COL11A1: variants seen among roughly 807,000 people sequenced by gnomAD.
COL11A1 encodes the protein collagen type XI alpha 1 chain.
A neutral mutation model predicts 265.2 loss-of-function variants in COL11A1; 74 were observed. The observed-to-expected ratio is 0.28, with a 90% CI of 0.23 to 0.34. The LOEUF (loss-of-function observed/expected upper bound fraction) is 0.34, where lower values mean the gene tolerates loss of function less well. Ranked by LOEUF, COL11A1 falls within the 10% of genes least tolerant of loss-of-function variation. The probability of loss-of-function intolerance (pLI) is 1.00; values close to 1 mark genes in which losing one functional copy is unlikely to be tolerated. For synonymous variants in COL11A1, 816 were observed against 727.6 expected (o/e 1.12, Z -1.96); for missense variants, 2,165 against 2,263.6 (o/e 0.96, Z 0.88).
At chr1:103,071,467 C>CTTTTT (rs869263393) in intron 4 of COL11A1, among the ~76,000 whole-genome samples, 4 of 49,890 alleles carry the variant, frequency 8.0e-5, no homozygotes, top group Non-Finnish European at 1.2e-4. Context: ...GTTGGTAGGA[C>CTTTTT]TTTTTTTTTT....
At chr1:102,887,725 A>G (rs563348098) in intron 62 of COL11A1, among the ~76,000 whole-genome samples, 3 of 152,304 alleles carry the variant, frequency 2.0e-5, no homozygotes, top group Non-Finnish European at 4.4e-5. Flanking sequence ...AAATACAGTC[A>G]CTGAAAATAT....
chr1:102,994,922 T>C (rs577518869), intron 28 of COL11A1, among the ~76,000 whole-genome samples: 1 of 152,184 alleles, frequency 6.6e-6, no homozygotes, highest in Admixed American at 6.5e-5. Context: ...AACAAGTACC[T>C]TCTTTACAAG....
chr1:102,993,007 T>A (rs1292472750), intron 28 of COL11A1, among the ~76,000 whole-genome samples: 1 of 152,080 alleles, frequency 6.6e-6, no homozygotes, highest in African/African-American at 2.4e-5. Flanking sequence ...CTCATATATA[T>A]CTAGTCATTT....
intron 4 of COL11A1, among the ~76,000 whole-genome samples, chr1:103,060,471 T>C (rs1023985702): frequency 6.6e-6 from 1 of 152,116 alleles, no homozygotes. Context: ...TGATCTAAGG[T>C]ATGAGTTTTT....
intron 13 of COL11A1, among the ~76,000 whole-genome samples, chr1:103,012,990 T>C (rs1286384699): frequency 1.3e-5 from 2 of 152,274 alleles, no homozygotes; most frequent in African/African-American, 4.8e-5. Context: ...TTTTATTTTG[T>C]ATAATCATAC....
At chr1:102,927,682 T>TGGGCGG in intron 46 of COL11A1, among the ~76,000 whole-genome samples, 2 of 151,984 alleles carry the variant, frequency 1.3e-5, no homozygotes, top group African/African-American at 2.4e-5. Flanking sequence ...GAATAGAAGG[T>TGGGCGG]ATCTGTTCTG....
chr1:102,989,475 A>T (rs1488020292), intron 29 of COL11A1, 43 bp downstream of exon 29: 2 of 1,229,094 alleles, frequency 1.6e-6, no homozygotes, highest in Non-Finnish European at 2.3e-6. Context: ...ATATATATAT[A>T]TATTAAATTT....
At chr1:103,085,338 C>T (rs6674315) in intron 1 of COL11A1, among the ~76,000 whole-genome samples, 13,948 of 152,208 alleles carry the variant, frequency 0.092, 762 homozygotes, top group African/African-American at 0.16. Flanking sequence ...GGGCGGGAAC[C>T]AGTCCTGGAC....
rs1429155540 is a variant in COL11A1 at position 102,877,998 on chromosome 1, G to T, written c.*21C>A. On this transcript the variant is annotated 3_prime_UTR_variant, in exon 67 of 67. Transcript: ENST00000370096. ...ACCAAGGTATATTTTCTGTTGATTT[G>T]ATATGTTCTTTGTCTTAATCTTAGC... 1 of 1,612,438 alleles carries T rather than the reference G, an allele frequency of 6.2e-7. No individual in the cohort carries two copies. The highest frequency in any genetic ancestry group is 1.1e-5 in the South Asian group (1 of 90,996).
rs766582160 is a variant in COL11A1, at chr1:102,879,676, T to C, written c.5274+7A>G. On this transcript the variant is annotated splice_region_variant and intron_variant, in intron 66 of 66. Transcript: ENST00000370096. ...TGTGAAGGGAGACAAGCAGAACTTA[T>C]ACTCACCGCACAACCATCATACAGT... 5.0e-6 allele frequency: 8 copies of C among 1,610,676 alleles called. No individual in the cohort carries two copies. The highest frequency in any genetic ancestry group is 2.2e-5 in the East Asian group (1 of 44,828).
intron 2 of COL11A1, among the ~76,000 whole-genome samples, chr1:103,080,886 G>A (rs972556031): frequency 6.6e-6 from 1 of 151,778 alleles, no homozygotes; most frequent in Non-Finnish European, 1.5e-5. Flanking sequence ...CCCTACTACT[G>A]GGTATATGTC....
chr1:102,950,715 C>T (rs1483240122), intron 41 of COL11A1, among the ~76,000 whole-genome samples: 2 of 152,096 alleles, frequency 1.3e-5, no homozygotes, highest in East Asian at 1.9e-4. Flanking sequence ...TACTAAAATT[C>T]CAGCCTCTTT....
intron 35 of COL11A1, among the ~76,000 whole-genome samples, chr1:102,978,359 C>G (rs1662703775): frequency 6.6e-6 from 1 of 152,036 alleles, no homozygotes; most frequent in African/African-American, 2.4e-5. Flanking sequence ...GCTCTGTGAA[C>G]AAAATGAGTA....
intron 4 of COL11A1, among the ~76,000 whole-genome samples, chr1:103,032,814 C>T (rs1287480902): frequency 1.3e-5 from 2 of 152,008 alleles, no homozygotes; most frequent in Admixed American, 6.6e-5. Flanking sequence ...TTACATTTCT[C>T]TTCTTTAAAA....
Position 102,883,308 on chromosome 1 carries a change from T to G in COL11A1, c.4862A>C (p.Glu1621Ala). 6.2e-7 allele frequency: 1 copy of G among 1,606,424 alleles called. No individual in the cohort carries two copies. The highest frequency in any genetic ancestry group is 8.5e-7 in the Non-Finnish European group (1 of 1,173,278). ...ACCTTGGTTAGGATCAATCCAATAT[T>G]CACCTAGAAGGTAGCAAAAAATATG... ...QLSHPDFPDG[E>A]YWIDPNQGCS... The change falls in exon 64 of 67, where the codon GAA becomes GCA. Residue 1621 changes from glutamate (E) to alanine (A), a missense_variant. Transcript: ENST00000370096.
intron 1 of COL11A1, among the ~76,000 whole-genome samples, chr1:103,087,894 TG>T (rs956974057): frequency 7.9e-5 from 12 of 152,300 alleles, no homozygotes; most frequent in African/African-American, 2.6e-4. Context: ...AAATGTTGGT[TG>T]AATGTGAAAC....
chr1:103,011,390 G>A (rs990187853), intron 14 of COL11A1, among the ~76,000 whole-genome samples: 15 of 152,030 alleles, frequency 9.9e-5, no homozygotes, highest in African/African-American at 3.4e-4. Context: ...TAAATTCTAT[G>A]AAACATAGTA....
In COL11A1 at chr1:102,970,351, TTTC is replaced by T. The variant is rs1315204038; in HGVS notation, c.2809-82_2809-80del. ...GTCTAAATGTGACATGTTAGAAAAT[TTTC>T]TTTTCTTTTTATATTTCCATTAGCT... is the stretch of plus-strand genomic sequence containing the variant. On this transcript the variant is annotated intron_variant, in intron 36 of 66. Transcript: ENST00000370096. The T allele has an allele frequency of 7.8e-6, 9 of 1,154,848 alleles. No individual in the cohort carries two copies. In the Admixed American group the frequency reaches 1.8e-4, roughly 23 times the overall value. 71.5% of individuals were successfully genotyped at this position (1,154,848 alleles called of 1,614,324 possible).
rs564454155 is a variant in COL11A1 at position 102,934,953 on chromosome 1, C to T, written c.3492+107G>A. On this transcript the variant is annotated intron_variant, in intron 45 of 66. Coordinates refer to ENST00000370096, the MANE Select transcript of COL11A1 (RefSeq NM_001854.4). ...TAAATTTGATTTAATGTCAAACATA[C>T]AAACAAAACTTATTACCCCACAAAA... The T allele has an allele frequency of 5.4e-4, 560 of 1,034,018 alleles. 10 individuals are homozygous for T. The South Asian group carries it at 7.4e-3, about 14-fold the overall frequency. The allele number at this position is 1,034,018 out of a possible 1,614,324, so 64.1% of individuals were successfully genotyped here.
Sources: gnomAD v4.1 joint callset for allele counts (sites outside exome capture counted in the v4.1 genomes callset) on GRCh38, gnomAD v4.1.1 for gene constraint, MANE v1.5 for transcripts, NCBI Gene and HGNC (gene_info 2026-07-23, HGNC 2026-07-21) for gene names.